Variants in ATP8A1 observed in about 807,000 individuals in gnomAD.
ATP8A1 encodes phospholipid-transporting ATPase IA.
In ATP8A1, 90 loss-of-function variants were observed where a neutral mutation model predicts 177.7. The observed-to-expected ratio is 0.51, with a 90% CI of 0.43 to 0.60. The LOEUF (loss-of-function observed/expected upper bound fraction) is 0.60, where lower values mean the gene tolerates loss of function less well. Among genes scored for constraint, ATP8A1 ranks in the 20% least tolerant of loss-of-function variants. The pLI, the probability that ATP8A1 is intolerant of heterozygous loss-of-function variation, is 0.00. For missense variants in ATP8A1, 1,072 were observed against 1,392.8 expected, an observed-to-expected ratio of 0.77 and a Z score of 3.67; for synonymous variants, 493 against 485.9, an observed-to-expected ratio of 1.01 and a Z score of -0.19.
At chr4:42,591,000 A>G in intron 6 of ATP8A1, 116 bp from the exon 7 acceptor site, 1 of 911,128 alleles carries the variant, frequency 1.1e-6, no homozygotes, top group East Asian at 2.6e-5. Flanking sequence ...AGAAAATAAT[A>G]CATGTTAATA....
chr4:42,507,509 CT>C (rs1264103099), intron 22 of ATP8A1, among the ~76,000 whole-genome samples: 1 of 151,954 alleles, frequency 6.6e-6, no homozygotes, highest in African/African-American at 2.4e-5. Flanking sequence ...TGGCGGATCA[CT>C]TAAGGTCAGG....
intron 13 of ATP8A1, among the ~76,000 whole-genome samples, 176 bp from the exon 14 acceptor site, chr4:42,574,883 A>G (rs1732284870): frequency 6.6e-6 from 1 of 152,220 alleles, no homozygotes; most frequent in Non-Finnish European, 1.5e-5. Context: ...TATTTTACAA[A>G]TGAATCTTTT....
intron 24 of ATP8A1, among the ~76,000 whole-genome samples, chr4:42,494,162 CAAAAAAAAAAAA>C (rs397993131): frequency 1.9e-5 from 1 of 53,458 alleles, no homozygotes; most frequent in Admixed American, 3.3e-4. Flanking sequence ...GATCATGCCA[CAAAAAAAAAAAA>C]AAAAAAAAAA....
At chr4:42,488,586 T>G (rs1477795344) in intron 24 of ATP8A1, among the ~76,000 whole-genome samples, 3 of 152,170 alleles carry the variant, frequency 2.0e-5, no homozygotes, top group East Asian at 1.9e-4. Flanking sequence ...TCTTCTTGCT[T>G]TAAAAATTTT....
intron 6 of ATP8A1, chr4:42,594,215 G>T: frequency 1.3e-6 from 1 of 774,000 alleles, no homozygotes; most frequent in Non-Finnish European, 2.1e-6. Flanking sequence ...TTATTTCCTT[G>T]GAGAAATCAC....
At chr4:42,495,544 G>C (rs1020116295) in intron 24 of ATP8A1, among the ~76,000 whole-genome samples, 19 of 152,072 alleles carry the variant, frequency 1.2e-4, no homozygotes, top group African/African-American at 4.3e-4. Context: ...AGCTCTCTTT[G>C]ACGTGGTTCC....
intron 32 of ATP8A1, 132 bp downstream of exon 32, chr4:42,444,446 A>C: frequency 2.4e-6 from 2 of 823,598 alleles, no homozygotes; most frequent in Non-Finnish European, 3.8e-6. Context: ...CTGACACCCC[A>C]CAATTGAAAA....
chr4:42,415,052 AC>A, intron 35 of ATP8A1: 1 of 197,132 alleles, frequency 5.1e-6, no homozygotes, highest in Non-Finnish European at 1.0e-5. Context: ...AAAATACAAA[AC>A]AACAGTAGTG....
intron 33 of ATP8A1, among the ~76,000 whole-genome samples, chr4:42,431,754 G>A (rs1424673770): frequency 1.3e-5 from 2 of 152,096 alleles, no homozygotes; most frequent in Admixed American, 6.6e-5. Flanking sequence ...ATGATCCCCC[G>A]AAACATATAC....
chr4:42,469,223 G>C (rs571950496), intron 25 of ATP8A1, among the ~76,000 whole-genome samples: 62 of 152,254 alleles, frequency 4.1e-4, no homozygotes, highest in Non-Finnish European at 7.5e-4. Flanking sequence ...TCAGTTATTT[G>C]AATGAAGTTA....
intron 33 of ATP8A1, among the ~76,000 whole-genome samples, chr4:42,427,188 C>T (rs911022249): frequency 2.0e-5 from 3 of 152,054 alleles, no homozygotes; most frequent in Admixed American, 6.5e-5. Flanking sequence ...AACTGATTTA[C>T]GAAAACGTAG....
At chr4:42,596,221 A>C (rs16854570) in intron 6 of ATP8A1, among the ~76,000 whole-genome samples, 2,797 of 152,322 alleles carry the variant, frequency 0.018, 75 homozygotes, top group African/African-American at 0.063. Context: ...GAGGAATGTC[A>C]TGATAAAGCA....
At chr4:42,629,178 A>G (rs1738450849) in intron 1 of ATP8A1, among the ~76,000 whole-genome samples, 2 of 152,218 alleles carry the variant, frequency 1.3e-5, no homozygotes, top group Admixed American at 1.3e-4. Context: ...TGGGAATCAG[A>G]GTAATTAAAA....
rs543902374 is a variant in ATP8A1, at chr4:42,527,504, G to T, written c.1723-2657C>A. ...ATCAGCCTTTCCACTTTTGTCTGAG[G>T]AGATAAAGCCTGTGCTGCCTGAGGT... is the stretch of plus-strand genomic sequence containing the variant. On this transcript the variant is annotated intron_variant, in intron 20 of 36. Coordinates refer to ENST00000381668, the MANE Select transcript of ATP8A1 (RefSeq NM_006095.2). Among the ~76,000 whole-genome samples the T allele has an allele frequency of 3.3e-4, 50 of 152,160 alleles. 1 individual carries two copies. Among genetic ancestry groups the T allele is most frequent in the Non-Finnish European group, 4.1e-4 (28 of 68,026 alleles).
intron 5 of ATP8A1, among the ~76,000 whole-genome samples, chr4:42,613,965 C>T (rs376004918): frequency 6.6e-6 from 1 of 151,548 alleles, no homozygotes; most frequent in African/African-American, 2.4e-5. Context: ...GAAGTGTATT[C>T]TGTTGACTGA....
intron 33 of ATP8A1, among the ~76,000 whole-genome samples, chr4:42,424,314 ATTAT>A (rs1376571650): frequency 6.6e-6 from 1 of 152,070 alleles, no homozygotes. Flanking sequence ...AATAAATTCT[ATTAT>A]TTATTTGCAA....
At chr4:42,609,662 T>C (rs1472496481) in intron 5 of ATP8A1, among the ~76,000 whole-genome samples, 1 of 152,190 alleles carries the variant, frequency 6.6e-6, no homozygotes, top group Non-Finnish European at 1.5e-5. Context: ...ACTTGGTATT[T>C]GACTGGGTTT....
chr4:42,487,009 TC>T (rs1157017113), intron 24 of ATP8A1, among the ~76,000 whole-genome samples: 1 of 152,226 alleles, frequency 6.6e-6, no homozygotes, highest in Non-Finnish European at 1.5e-5. Flanking sequence ...AGGCATTCTT[TC>T]AAAAATCCTC....
chr4:42,529,810 C>A (rs1727078363), intron 20 of ATP8A1, among the ~76,000 whole-genome samples: 1 of 152,148 alleles, frequency 6.6e-6, no homozygotes, highest in African/African-American at 2.4e-5. Flanking sequence ...GGCAGCACTT[C>A]AAGCAGTGCA....
Sources: allele counts gnomAD v4.1 joint callset (sites outside exome capture counted in the v4.1 genomes callset), GRCh38; gene constraint gnomAD v4.1.1; transcripts MANE v1.5; gene names NCBI Gene and HGNC (gene_info 2026-07-23, HGNC 2026-07-21).